Variants in ESRRG observed in about 807,000 individuals in gnomAD.
ESRRG encodes the protein estrogen-related receptor gamma.
In ESRRG, 13 loss-of-function variants were observed where a neutral mutation model predicts 44.0. The observed-to-expected ratio is 0.30, with a 90% confidence interval of 0.19 to 0.47. The LOEUF (loss-of-function observed/expected upper bound fraction) is 0.47, where lower values mean the gene tolerates loss of function less well. Among genes scored for constraint, ESRRG ranks in the 20% least tolerant of loss-of-function variants. ESRRG has a pLI of 1.00. For synonymous variants in ESRRG, 215 were observed against 214.6 expected, an observed-to-expected ratio of 1.00 and a Z score of -0.02; for missense variants, 395 against 580.6, an observed-to-expected ratio of 0.68 and a Z score of 3.29.
At chr1:216,860,665 C>T (rs2149091693) in intron 2 of ESRRG, among the ~76,000 whole-genome samples, 1 of 152,084 alleles carries the variant, frequency 6.6e-6, no homozygotes, top group Middle Eastern at 3.4e-3. Context: ...AACAAAACAA[C>T]AAAATATATT....
At chr1:216,857,299 G>A (rs578150784) in intron 2 of ESRRG, among the ~76,000 whole-genome samples, 90 of 148,364 alleles carry the variant, frequency 6.1e-4, no homozygotes, top group African/African-American at 1.8e-3. Flanking sequence ...TCTATTTCCC[G>A]AACTGATAGA....
intron 5 of ESRRG, among the ~76,000 whole-genome samples, chr1:216,524,849 A>G (rs1033203238): frequency 1.3e-5 from 2 of 152,202 alleles, no homozygotes; most frequent in Non-Finnish European, 2.9e-5. Context: ...TGAGCAAATG[A>G]TCTAAGCAGT....
intron 3 of ESRRG, among the ~76,000 whole-genome samples, chr1:216,635,757 T>A (rs1236598994): frequency 6.6e-6 from 1 of 152,044 alleles, no homozygotes; most frequent in Non-Finnish European, 1.5e-5. Context: ...CAGAGCATTA[T>A]CGGGGACCTC....
At chr1:216,736,689 A>C (rs1456106730) in intron 2 of ESRRG, among the ~76,000 whole-genome samples, 1 of 152,138 alleles carries the variant, frequency 6.6e-6, no homozygotes, top group Non-Finnish European at 1.5e-5. Context: ...AGTGAACAAG[A>C]GGGAACCGGT....
chr1:216,764,610 T>A (rs1285257431), intron 2 of ESRRG, among the ~76,000 whole-genome samples: 3 of 151,960 alleles, frequency 2.0e-5, no homozygotes, highest in Non-Finnish European at 4.4e-5. Context: ...CAAACTTCCC[T>A]CCTCAGCCTG....
Position 216,599,684 on chromosome 1 carries a change from GA to G in ESRRG, c.590-31587del, listed in dbSNP as rs534390321. On this transcript the variant is annotated intron_variant, in intron 3 of 6. Transcript: ENST00000408911. ...TGAAAATTATATTTCAAAAGCCAAA[GA>G]AAAAAAAATTGACCATTTCCAGTTA... is the stretch of plus-strand genomic sequence containing the variant. 6.5e-3 allele frequency among the ~76,000 whole-genome samples: 977 copies of G among 150,636 alleles called. 9 individuals are homozygous for G. The highest frequency in any genetic ancestry group is 0.022 in the African/African-American group (914 of 41,140).
chr1:216,622,948 T>A (rs2062518931), intron 3 of ESRRG, among the ~76,000 whole-genome samples: 2 of 152,138 alleles, frequency 1.3e-5, no homozygotes, highest in African/African-American at 2.4e-5. Flanking sequence ...GCTAAACAGT[T>A]CTTATAGAAG....
At chr1:216,508,569 C>T (rs978253601) in intron 6 of ESRRG, among the ~76,000 whole-genome samples, 7 of 152,204 alleles carry the variant, frequency 4.6e-5, no homozygotes, top group African/African-American at 1.7e-4. Flanking sequence ...TACGCCTGGC[C>T]TTTCCCTGTG....
At chr1:216,952,583 T>C (rs2067163264) in intron 1 of ESRRG, among the ~76,000 whole-genome samples, 1 of 152,090 alleles carries the variant, frequency 6.6e-6, no homozygotes, top group Non-Finnish European at 1.5e-5. Context: ...AGACACAAAA[T>C]TTATTCTTGG....
At chr1:217,067,393 T>G (rs2089908480) in intron 1 of ESRRG, among the ~76,000 whole-genome samples, 1 of 128,640 alleles carries the variant, frequency 7.8e-6, no homozygotes, top group African/African-American at 2.8e-5. Context: ...CTTATAAGCA[T>G]GTATCCTTCA....
intron 2 of ESRRG, among the ~76,000 whole-genome samples, chr1:216,772,949 G>T (rs1251614079): frequency 6.6e-6 from 1 of 151,730 alleles, no homozygotes; most frequent in Non-Finnish European, 1.5e-5. Flanking sequence ...TAAACTACCA[G>T]TTAGTTTGTT....
chr1:216,955,010 A>G (rs2067683541), intron 1 of ESRRG, among the ~76,000 whole-genome samples: 1 of 152,198 alleles, frequency 6.6e-6, no homozygotes, highest in African/African-American at 2.4e-5. Context: ...TAATTAGAAT[A>G]TCCATCATCA....
At chr1:217,115,853 A>T (rs2092719167) in intron 1 of ESRRG, among the ~76,000 whole-genome samples, 1 of 152,098 alleles carries the variant, frequency 6.6e-6, no homozygotes, top group Admixed American at 6.5e-5. Flanking sequence ...AACATAAGCC[A>T]CAAGAGCCCT....
intron 1 of ESRRG, among the ~76,000 whole-genome samples, chr1:216,684,547 C>A (rs572474405): frequency 1.5e-4 from 23 of 152,192 alleles, no homozygotes; most frequent in African/African-American, 5.5e-4. Context: ...GCATAATTAA[C>A]CATCTGAGCT....
intron 5 of ESRRG, among the ~76,000 whole-genome samples, chr1:216,531,998 A>G (rs1055273019): frequency 1.3e-5 from 2 of 152,132 alleles, no homozygotes; most frequent in Non-Finnish European, 2.9e-5. Flanking sequence ...TACGTGAAGG[A>G]AAATACAAGG....
intron 4 of ESRRG, among the ~76,000 whole-genome samples, chr1:216,567,574 T>C (rs923683924): frequency 6.6e-6 from 1 of 152,196 alleles, no homozygotes; most frequent in Non-Finnish European, 1.5e-5. Context: ...CAAATTCATT[T>C]AGTTAGTGAA....
At chr1:216,733,759 G>C (rs182080504) in intron 2 of ESRRG, among the ~76,000 whole-genome samples, 21 of 152,134 alleles carry the variant, frequency 1.4e-4, no homozygotes, top group Non-Finnish European at 8.8e-5. Context: ...GGGAGCCTGA[G>C]GGGGGCGGAT....
At chr1:216,994,586 ACTT>A (rs2076134607) in intron 1 of ESRRG, among the ~76,000 whole-genome samples, 8 of 151,990 alleles carry the variant, frequency 5.3e-5, no homozygotes, top group Admixed American at 3.9e-4. Flanking sequence ...CCGTTCGACA[ACTT>A]CTTTTTTTTT....
intron 1 of ESRRG, among the ~76,000 whole-genome samples, chr1:217,041,265 A>C (rs1214710681): frequency 6.6e-6 from 1 of 152,196 alleles, no homozygotes; most frequent in Admixed American, 6.5e-5. Context: ...TGAAAATAAC[A>C]GCCTGCAAGC....
Sources: allele counts gnomAD v4.1 joint callset (sites outside exome capture counted in the v4.1 genomes callset), GRCh38; gene constraint gnomAD v4.1.1; transcripts MANE v1.5; gene names NCBI Gene and HGNC (gene_info 2026-07-23, HGNC 2026-07-21).